The following KDM4C variants were observed in gnomAD, a reference collection of about 807,000 sequenced individuals.
The protein encoded by KDM4C is lysine-specific demethylase 4C.
A neutral mutation model predicts 129.3 loss-of-function variants in KDM4C; 81 were observed. That is an observed-to-expected ratio of 0.63 (90% confidence interval 0.52 to 0.75). The LOEUF (loss-of-function observed/expected upper bound fraction) is 0.75. KDM4C is among the 30% of genes least tolerant of loss of function. The pLI, the probability that KDM4C is intolerant of heterozygous loss-of-function variation, is 0.00. For synonymous variants in KDM4C, 573 were observed against 456.1 expected, an observed-to-expected ratio of 1.26 and a Z score of -3.26; for missense variants, 1,457 against 1,304.0, an observed-to-expected ratio of 1.12 and a Z score of -1.81.
At chr9:7,140,542 T>C (rs1431341130) in intron 19 of KDM4C, among the ~76,000 whole-genome samples, 1 of 152,186 alleles carries the variant, frequency 6.6e-6, no homozygotes, top group Non-Finnish European at 1.5e-5. Context: ...TGAAGGCCCT[T>C]CTTTTGGTAG....
chr9:6,935,362 TA>T (rs1382885670), intron 8 of KDM4C, among the ~76,000 whole-genome samples: 1 of 152,170 alleles, frequency 6.6e-6, no homozygotes, highest in Non-Finnish European at 1.5e-5. Flanking sequence ...ATTCAATTTT[TA>T]TATCCTGTTC....
At chr9:7,040,165 C>G (rs1828316249) in intron 15 of KDM4C, among the ~76,000 whole-genome samples, 1 of 152,074 alleles carries the variant, frequency 6.6e-6, no homozygotes, top group South Asian at 2.1e-4. Flanking sequence ...AGTATAACTT[C>G]ATTAGCACTT....
At chr9:6,756,454 C>T (rs1334605647), upstream of KDM4C, among the ~76,000 whole-genome samples, 2 of 152,216 alleles carry the variant, frequency 1.3e-5, no homozygotes, top group Non-Finnish European at 2.9e-5. Context: ...AAGTGGCTCA[C>T]GCCTGTAATC....
At chr9:7,174,466 A>T in intron 21 of KDM4C, 87 bp from the exon 22 acceptor site, 1 of 1,332,078 alleles carries the variant, frequency 7.5e-7, no homozygotes, top group Non-Finnish European at 1.1e-6. Flanking sequence ...CTGCACCCTA[A>T]CCCCAGCTGA....
At chr9:6,945,454 A>G (rs867199576) in intron 8 of KDM4C, among the ~76,000 whole-genome samples, 1 of 152,102 alleles carries the variant, frequency 6.6e-6, no homozygotes, top group Admixed American at 6.5e-5. Context: ...GTTGATATTT[A>G]TTTGCCTAAA....
At chr9:6,925,170 C>T (rs190404145) in intron 8 of KDM4C, 9 of 985,354 alleles carry the variant, frequency 9.1e-6, no homozygotes, top group African/African-American at 3.5e-5. Context: ...TCCTTATCAT[C>T]GTGCGTAAAC....
chr9:6,789,462 C>T (rs1279546690), intron 1 of KDM4C, among the ~76,000 whole-genome samples: 2 of 152,052 alleles, frequency 1.3e-5, no homozygotes, highest in African/African-American at 4.8e-5. Context: ...TCAGGTGATC[C>T]ACCCACCTCA....
chr9:7,053,212 C>G (rs1037421866), intron 17 of KDM4C, among the ~76,000 whole-genome samples: 2 of 152,160 alleles, frequency 1.3e-5, no homozygotes, highest in Admixed American at 6.5e-5. Flanking sequence ...ATATGAAATA[C>G]TGGAATTTAT....
Position 6,868,296 on chromosome 9 carries a change from C to T in KDM4C, c.630-11716C>T, listed in dbSNP as rs542136063. Among the ~76,000 whole-genome samples, 10 of 152,134 alleles carry T rather than the reference C, an allele frequency of 6.6e-5. No individual in the cohort carries two copies. In the East Asian group the frequency reaches 9.7e-4, roughly 15 times the overall value. ...GCAACCATACGTGCAGGCAGTCCTA[C>T]GTGAGGAAACTTGAGGAAAATATCC... is the stretch of plus-strand genomic sequence containing the variant. On this transcript the variant is annotated intron_variant, in intron 5 of 21. Transcript: ENST00000381309.
Position 6,833,339 on chromosome 9 carries a change from A to T in KDM4C, c.436-16168A>T, listed in dbSNP as rs558119548. Among the ~76,000 whole-genome samples the T allele has an allele frequency of 1.2e-4, 18 of 152,026 alleles. No homozygotes were observed. The South Asian group carries it at 3.7e-3, about 32-fold the overall frequency. On this transcript the variant is annotated intron_variant, in intron 4 of 21. Transcript: ENST00000381309. The stretch of plus-strand genomic sequence containing the variant: ...ACATCTTCTTGACAGGGAGTCTTTT[A>T]AAAAAAATAGAAAATGTAGTTACCA...
chr9:6,971,484 T>C (rs949025629), intron 8 of KDM4C, among the ~76,000 whole-genome samples: 4 of 152,214 alleles, frequency 2.6e-5, no homozygotes, highest in East Asian at 1.9e-4. Flanking sequence ...CAAATCACTT[T>C]CTAGATTTTA....
chr9:6,753,081 A>G (rs1298736309), upstream of KDM4C, among the ~76,000 whole-genome samples: 1 of 152,184 alleles, frequency 6.6e-6, no homozygotes, highest in Non-Finnish European at 1.5e-5. Context: ...TCAGTATCTC[A>G]AGAAGTTCCT....
chr9:6,732,394 AAAAAAAAGAAT>A, intron 1 of KDM4C, among the ~76,000 whole-genome samples: 1 of 117,754 alleles, frequency 8.5e-6, no homozygotes, highest in African/African-American at 3.9e-5. Context: ...AAAAAAAAAA[AAAAAAAAGAAT>A]GAGGCCGGAA....
chr9:6,906,594 G>A (rs547483713), intron 8 of KDM4C, among the ~76,000 whole-genome samples: 5 of 152,094 alleles, frequency 3.3e-5, no homozygotes, highest in Non-Finnish European at 7.3e-5. Flanking sequence ...GGCACATGCC[G>A]CCATGACTGG....
At chr9:6,722,980 A>C (rs1294279118) in intron 1 of KDM4C, among the ~76,000 whole-genome samples, 1 of 151,724 alleles carries the variant, frequency 6.6e-6, no homozygotes, top group Non-Finnish European at 1.5e-5. Context: ...GATACACGAC[A>C]GAGCAATACA....
intron 6 of KDM4C, among the ~76,000 whole-genome samples, chr9:6,886,790 C>T (rs1845354816): frequency 6.6e-6 from 1 of 152,120 alleles, no homozygotes. Flanking sequence ...CCGCACTTGG[C>T]CTGTATTTTT....
chr9:6,876,012 G>A (rs1414776549), intron 5 of KDM4C, among the ~76,000 whole-genome samples: 2 of 152,088 alleles, frequency 1.3e-5, no homozygotes, highest in African/African-American at 4.8e-5. Context: ...GAGAACATAG[G>A]GCCTGATCAT....
At chr9:7,131,888 C>A (rs1564158287) in intron 19 of KDM4C, among the ~76,000 whole-genome samples, 1 of 152,194 alleles carries the variant, frequency 6.6e-6, no homozygotes, top group Non-Finnish European at 1.5e-5. Context: ...GGTGATATAC[C>A]TGTAGCATGA....
chr9:7,150,094 C>T (rs1050399357), intron 19 of KDM4C, among the ~76,000 whole-genome samples: 12 of 152,340 alleles, frequency 7.9e-5, no homozygotes, highest in African/African-American at 2.6e-4. Context: ...CACCACTCAA[C>T]ACGGTCAGTG....
Sources: allele counts gnomAD v4.1 joint callset (sites outside exome capture counted in the v4.1 genomes callset), GRCh38; gene constraint gnomAD v4.1.1; transcripts MANE v1.5; gene names NCBI Gene and HGNC (gene_info 2026-07-23, HGNC 2026-07-21).